Variants in SMIM31 observed in about 807,000 individuals in gnomAD.
SMIM31 encodes the protein human epithelial cell program regulator.
At position 164,801,869 on chromosome 4, in the gene SMIM31, T is replaced by A. The variant is rs11939248; in HGVS notation, c.*675T>A. 103,731 of 151,892 alleles carry A rather than the reference T, an allele frequency of 0.68. 36,459 individuals carry two copies. The highest frequency in any genetic ancestry group is 0.79 in the Non-Finnish European group (53,923 of 67,972). The allele number at this position is 151,892 out of a possible 1,614,324, so 9.4% of individuals were successfully genotyped here. A position where few individuals can be genotyped will look rare whatever the true frequency, so the allele number is the denominator to read the frequency against. On this transcript the variant is annotated 3_prime_UTR_variant, in exon 3 of 3. Coordinates refer to ENST00000507311, the MANE Select transcript of SMIM31 (RefSeq NM_001352885.1). ...CTTAATGTGTAAGCATCCAGGAAAA[T>A]TTGTCATTCTGTGTCCTTTATTCAT...
chr4:164,787,130 G>A (rs1320672180), intron 2 of SMIM31, among the ~76,000 whole-genome samples: 1 of 152,044 alleles, frequency 6.6e-6, no homozygotes, highest in Admixed American at 6.6e-5. Context: ...TTATATCTCC[G>A]AGTTTTTATT....
At chr4:164,756,457 A>C (rs977064368) in intron 1 of SMIM31, among the ~76,000 whole-genome samples, 2 of 151,984 alleles carry the variant, frequency 1.3e-5, no homozygotes, top group Non-Finnish European at 2.9e-5. Context: ...CTGTAGTTCC[A>C]GCTACTCAGG....
chr4:164,789,802 TA>T (rs1215514519), intron 2 of SMIM31, among the ~76,000 whole-genome samples: 1 of 152,228 alleles, frequency 6.6e-6, no homozygotes, highest in Non-Finnish European at 1.5e-5. Context: ...TTTCATTCTT[TA>T]TCCTTCTCTG....
chr4:164,776,506 T>C (rs1385913415), intron 2 of SMIM31, among the ~76,000 whole-genome samples: 1 of 152,186 alleles, frequency 6.6e-6, no homozygotes, highest in Admixed American at 6.5e-5. Context: ...AAGTACAGGA[T>C]GGTAATTCCT....
intron 2 of SMIM31, among the ~76,000 whole-genome samples, chr4:164,784,449 T>C (rs1733000985): frequency 2.0e-5 from 3 of 152,184 alleles, no homozygotes; most frequent in Admixed American, 2.0e-4. Flanking sequence ...AGTCATTTGA[T>C]GAGTATAAGA....
At chr4:164,757,621 C>T (rs1195840398) in intron 1 of SMIM31, among the ~76,000 whole-genome samples, 7 of 148,140 alleles carry the variant, frequency 4.7e-5, no homozygotes, top group African/African-American at 1.2e-4. Context: ...ATAGAAGTTC[C>T]TTTTTTTTTT....
intron 2 of SMIM31, among the ~76,000 whole-genome samples, chr4:164,781,887 A>G (rs570580942): frequency 1.1e-3 from 164 of 152,336 alleles, no homozygotes; most frequent in African/African-American, 3.9e-3. Context: ...TTTGACTACA[A>G]AGGAGTAGCA....
rs10006109 is a variant in SMIM31 at position 164,803,717 on chromosome 4, C to T, written c.*2523C>T. ...GGCTGAGGCAGGAGAATCACTTGAA[C>T]CTGGGAGGCGGAGGTTGTAGTGAGC... On this transcript the variant is annotated 3_prime_UTR_variant, in exon 3 of 3. Coordinates refer to ENST00000507311, the MANE Select transcript of SMIM31 (RefSeq NM_001352885.1). The T allele has an allele frequency of 0.76, 115,572 of 151,930 alleles. 45,315 individuals carry two copies. Among genetic ancestry groups the T allele is most frequent in the Non-Finnish European group, 0.86 (58,792 of 68,058 alleles). The allele number at this position is 151,930 out of a possible 1,614,324, so 9.4% of individuals were successfully genotyped here.
intron 2 of SMIM31, among the ~76,000 whole-genome samples, chr4:164,789,885 C>T (rs191302642): frequency 1.2e-3 from 182 of 152,224 alleles, no homozygotes; most frequent in African/African-American, 4.0e-3. Flanking sequence ...TTCCAGGATA[C>T]GTCAAACAAG....
intron 1 of SMIM31, among the ~76,000 whole-genome samples, chr4:164,765,563 T>C (rs1732708626): frequency 6.6e-6 from 1 of 150,920 alleles, no homozygotes; most frequent in African/African-American, 2.4e-5. Flanking sequence ...TAGATAAGCA[T>C]TCAATGCAGC....
intron 2 of SMIM31, among the ~76,000 whole-genome samples, chr4:164,777,908 T>C (rs1449419710): frequency 4.6e-5 from 7 of 152,240 alleles, no homozygotes; most frequent in Admixed American, 2.0e-4. Flanking sequence ...ATTACATATA[T>C]TGCTGTTGTC....
rs1732712202 is a variant in SMIM31 at position 164,765,739 on chromosome 4, G to A, written c.-25-4680G>A. Among the ~76,000 whole-genome samples the A allele has an allele frequency of 2.6e-5, 4 of 152,174 alleles. No homozygotes were observed. The South Asian group carries it at 8.3e-4, about 32-fold the overall frequency. On this transcript the variant is annotated intron_variant, in intron 1 of 2. Transcript: ENST00000507311. ...GCCTTTGAAGGCAAGGGGGGAGTGG[G>A]CACTGCAGTATCTCACAGATTTTTT...
intron 2 of SMIM31, among the ~76,000 whole-genome samples, chr4:164,794,911 TA>T (rs1452398931): frequency 6.6e-6 from 1 of 151,696 alleles, no homozygotes; most frequent in Non-Finnish European, 1.5e-5. Context: ...TTTAAAAAAA[TA>T]TTTTTTTAAT....
chr4:164,758,564 T>G (rs1732597594), intron 1 of SMIM31, among the ~76,000 whole-genome samples: 1 of 151,848 alleles, frequency 6.6e-6, no homozygotes, highest in African/African-American at 2.4e-5. Context: ...ATGAAGAGTG[T>G]TAATTTTTTT....
chr4:164,758,714 A>G (rs62352417), intron 1 of SMIM31, among the ~76,000 whole-genome samples: 16,312 of 141,612 alleles, frequency 0.12, 1,046 homozygotes, highest in African/African-American at 0.16. Flanking sequence ...GCTGACTGCA[A>G]GCTCCGCCTC....
At chr4:164,784,983 G>A (rs1211496537) in intron 2 of SMIM31, among the ~76,000 whole-genome samples, 3 of 151,598 alleles carry the variant, frequency 2.0e-5, no homozygotes, top group Non-Finnish European at 4.4e-5. Flanking sequence ...CAGCACTTTG[G>A]GAGGCCGAGG....
intron 2 of SMIM31, among the ~76,000 whole-genome samples, chr4:164,793,029 T>TA (rs1184388367): frequency 3.9e-4 from 60 of 152,116 alleles, no homozygotes; most frequent in African/African-American, 1.4e-3. Context: ...TATGCAGCCA[T>TA]AAAAAAAGAA....
chr4:164,796,182 T>A (rs953346690), intron 2 of SMIM31, among the ~76,000 whole-genome samples: 2 of 152,226 alleles, frequency 1.3e-5, no homozygotes, highest in African/African-American at 4.8e-5. Flanking sequence ...CCGGGTGGTG[T>A]TCAAACCACC....
intron 2 of SMIM31, among the ~76,000 whole-genome samples, chr4:164,782,514 G>A (rs1732966548): frequency 6.7e-6 from 1 of 149,844 alleles, no homozygotes; most frequent in Non-Finnish European, 1.5e-5. Context: ...GAGTAGCTGG[G>A]ACTACAGGCG....
Sources: gnomAD v4.1 joint callset for allele counts (sites outside exome capture counted in the v4.1 genomes callset) on GRCh38, gnomAD v4.1.1 for gene constraint, MANE v1.5 for transcripts, NCBI Gene and HGNC (gene_info 2026-07-23, HGNC 2026-07-21) for gene names.